The following CAB39 variants were observed in gnomAD, a reference collection of about 807,000 sequenced individuals.
CAB39 encodes the protein calcium binding protein 39, also known as calcium-binding protein 39.
CAB39 carries 8 observed loss-of-function variants against 40.0 expected under a neutral mutation model. The observed-to-expected ratio is 0.20, with a 90% CI of 0.12 to 0.36. The LOEUF is 0.36. Ranked by LOEUF, CAB39 falls within the 10% of genes least tolerant of loss-of-function variation. The pLI, the probability that CAB39 is intolerant of heterozygous loss-of-function variation, is 1.00. For synonymous variants in CAB39, 156 were observed against 141.6 expected, an observed-to-expected ratio of 1.10 and a Z score of -0.72; for missense variants, 270 against 401.1, an observed-to-expected ratio of 0.67 and a Z score of 2.79.
At chr2:230,741,356 C>G (rs1156816433) in intron 1 of CAB39, among the ~76,000 whole-genome samples, 1 of 152,184 alleles carries the variant, frequency 6.6e-6, no homozygotes, top group Non-Finnish European at 1.5e-5. Flanking sequence ...TGCCTCCATG[C>G]TTAAGACACA....
chr2:230,776,699 T>C (rs1205818495), intron 2 of CAB39, among the ~76,000 whole-genome samples: 2 of 87,648 alleles, frequency 2.3e-5, no homozygotes, highest in East Asian at 3.1e-4. Flanking sequence ...ACTTTTTTTC[T>C]TCCCCCCCCG....
intron 1 of CAB39, among the ~76,000 whole-genome samples, chr2:230,731,529 A>G (rs1220495601): frequency 6.6e-6 from 1 of 152,196 alleles, no homozygotes; most frequent in Non-Finnish European, 1.5e-5. Flanking sequence ...TTTGAGACAA[A>G]GTCTCACTGT....
intron 2 of CAB39, among the ~76,000 whole-genome samples, chr2:230,770,619 T>C (rs928333404): frequency 6.6e-6 from 1 of 152,166 alleles, no homozygotes; most frequent in African/African-American, 2.4e-5. Flanking sequence ...CATCGCCAAA[T>C]CAGACAAAGG....
chr2:230,743,067 T>C (rs1420522979), intron 1 of CAB39, among the ~76,000 whole-genome samples: 1 of 152,208 alleles, frequency 6.6e-6, no homozygotes. Flanking sequence ...TGTTTAGCCG[T>C]TCCTTATGAA....
At chr2:230,785,096 C>T (rs1695765855) in intron 2 of CAB39, among the ~76,000 whole-genome samples, 2 of 152,182 alleles carry the variant, frequency 1.3e-5, no homozygotes, top group Non-Finnish European at 2.9e-5. Flanking sequence ...CTGGAGCAAG[C>T]TAGGAGAGCT....
intron 2 of CAB39, among the ~76,000 whole-genome samples, chr2:230,775,674 G>T (rs1166771852): frequency 1.3e-5 from 2 of 150,980 alleles, no homozygotes; most frequent in Non-Finnish European, 2.9e-5. Context: ...CTTAACAGTG[G>T]TGCGCATTGG....
intron 1 of CAB39, among the ~76,000 whole-genome samples, chr2:230,759,406 TTTTGCCTCA>T (rs1336951316): frequency 6.6e-6 from 1 of 152,122 alleles, no homozygotes; most frequent in Non-Finnish European, 1.5e-5. Context: ...CTACCTAACT[TTTTGCCTCA>T]GTTGCCTCAG....
chr2:230,713,895 G>A (rs1694300554), intron 1 of CAB39: 2 of 152,320 alleles, frequency 1.3e-5, no homozygotes, highest in Admixed American at 1.3e-4. Context: ...CCGGGAAGGA[G>A]GTGATAAGTC....
chr2:230,814,517 G>T (rs1489344117), intron 7 of CAB39, among the ~76,000 whole-genome samples: 1 of 152,154 alleles, frequency 6.6e-6, no homozygotes, highest in Non-Finnish European at 1.5e-5. Flanking sequence ...CCGTAGACAG[G>T]CTTGGCTGCT....
At chr2:230,799,168 A>G (rs998249778) in intron 5 of CAB39, 1 of 340,230 alleles carries the variant, frequency 2.9e-6, no homozygotes, top group Non-Finnish European at 5.3e-6. Flanking sequence ...AGTATGGTAT[A>G]CTGTACAGCA....
At chr2:230,740,546 C>T (rs909738618) in intron 1 of CAB39, among the ~76,000 whole-genome samples, 6 of 152,146 alleles carry the variant, frequency 3.9e-5, no homozygotes, top group Non-Finnish European at 5.9e-5. Flanking sequence ...AGTTTTTCCA[C>T]GGACTAGGGC....
chr2:230,740,526 C>T (rs13410221), intron 1 of CAB39, among the ~76,000 whole-genome samples: 4 of 152,190 alleles, frequency 2.6e-5, no homozygotes, highest in African/African-American at 7.2e-5. Context: ...GGACCAGTTT[C>T]GTGGAAGACA....
intron 1 of CAB39, among the ~76,000 whole-genome samples, chr2:230,718,204 A>C (rs1694386558): frequency 6.6e-6 from 1 of 152,214 alleles, no homozygotes; most frequent in South Asian, 2.1e-4. Context: ...AAGATCACAC[A>C]CTTTATTTGG....
chr2:230,754,335 CCTTCCT>C (rs367849034), intron 1 of CAB39, among the ~76,000 whole-genome samples: 8 of 72,712 alleles, frequency 1.1e-4, no homozygotes, highest in African/African-American at 9.2e-4. Context: ...CCTTCTTCTT[CCTTCCT>C]CTTCTTCCTT....
At chr2:230,787,912 T>C (rs1444639091) in intron 2 of CAB39, among the ~76,000 whole-genome samples, 1 of 152,224 alleles carries the variant, frequency 6.6e-6, no homozygotes, top group East Asian at 1.9e-4. Flanking sequence ...AGTGAAGCAA[T>C]GTTTGTCTCG....
At chr2:230,747,350 G>C (rs1694993942) in intron 1 of CAB39, among the ~76,000 whole-genome samples, 1 of 152,268 alleles carries the variant, frequency 6.6e-6, no homozygotes, top group South Asian at 2.1e-4. Flanking sequence ...ATTTCACGGA[G>C]AGAAGGGGAG....
At chr2:230,801,841 C>G (rs1467989622) in intron 5 of CAB39, among the ~76,000 whole-genome samples, 1 of 151,238 alleles carries the variant, frequency 6.6e-6, no homozygotes, top group East Asian at 1.9e-4. Context: ...TGCACTCCAC[C>G]CTGGGCGACG....
intron 2 of CAB39, among the ~76,000 whole-genome samples, chr2:230,773,310 A>ATGTGTGTGTGTGTGTGTG (rs772464376): frequency 1.2e-5 from 1 of 84,446 alleles, no homozygotes; most frequent in African/African-American, 5.8e-5. Flanking sequence ...ATATATATAT[A>ATGTGTGTGTGTGTGTGTG]TATATGTGTG....
At chr2:230,799,383 T>C (rs2124967211) in intron 5 of CAB39, among the ~76,000 whole-genome samples, 1 of 152,326 alleles carries the variant, frequency 6.6e-6, no homozygotes, top group East Asian at 1.9e-4. Flanking sequence ...CTCCCATCTC[T>C]GCTCACACTG....
Sources: allele counts gnomAD v4.1 joint callset (sites outside exome capture counted in the v4.1 genomes callset), GRCh38; gene constraint gnomAD v4.1.1; transcripts MANE v1.5; gene names NCBI Gene and HGNC (gene_info 2026-07-23, HGNC 2026-07-21).